The following ERI3 variants were observed in gnomAD, a reference collection of about 807,000 sequenced individuals.
ERI3 encodes the protein ERI1 exoribonuclease 3.
In ERI3, 18 loss-of-function variants were observed where a neutral mutation model predicts 44.4. The ratio of observed to expected loss-of-function variants is 0.41; its 90% CI spans 0.28 to 0.60. The LOEUF (loss-of-function observed/expected upper bound fraction) is 0.60, where lower values mean the gene tolerates loss of function less well. Ranked by LOEUF, ERI3 falls within the 20% of genes least tolerant of loss-of-function variation. The pLI is 0.36. For missense variants in ERI3, 294 were observed against 435.5 expected (o/e 0.68, Z 2.89); for synonymous variants, 183 against 164.8 (o/e 1.11, Z -0.84).
intron 2 of ERI3, among the ~76,000 whole-genome samples, chr1:44,341,398 A>G (rs1194437131): frequency 6.6e-6 from 1 of 152,234 alleles, no homozygotes; most frequent in Non-Finnish European, 1.5e-5. Context: ...CCACCTGGCC[A>G]AGCCTGGATC....
At chr1:44,307,182 A>G (rs1329813839) in intron 6 of ERI3, among the ~76,000 whole-genome samples, 1 of 152,114 alleles carries the variant, frequency 6.6e-6, no homozygotes, top group African/African-American at 2.4e-5. Context: ...CTGTGTGCTC[A>G]TGTGATTTGG....
At chr1:44,351,090 G>A (rs529601445) in intron 2 of ERI3, among the ~76,000 whole-genome samples, 10 of 150,916 alleles carry the variant, frequency 6.6e-5, no homozygotes, top group African/African-American at 2.2e-4. Flanking sequence ...CTGGAGTGCA[G>A]TGGTGCCATC....
At chr1:44,334,832 C>T (rs564391342) in intron 3 of ERI3, among the ~76,000 whole-genome samples, 145 of 152,358 alleles carry the variant, frequency 9.5e-4, no homozygotes, top group African/African-American at 3.4e-3. Context: ...ACAGGGCTTA[C>T]ACCTGTTAGT....
intron 7 of ERI3, among the ~76,000 whole-genome samples, chr1:44,278,686 G>A (rs1645228357): frequency 6.6e-6 from 1 of 151,926 alleles, no homozygotes; most frequent in Non-Finnish European, 1.5e-5. Flanking sequence ...AACCTCCATT[G>A]CCTCCCGGGT....
At chr1:44,224,986 G>A (rs927403815) in intron 8 of ERI3, among the ~76,000 whole-genome samples, 1 of 152,260 alleles carries the variant, frequency 6.6e-6, no homozygotes, top group East Asian at 1.9e-4. Context: ...AAGTGAGGAA[G>A]CTTGGCAGAA....
intron 3 of ERI3, among the ~76,000 whole-genome samples, chr1:44,333,205 T>G (rs985478573): frequency 9.2e-5 from 14 of 152,284 alleles, no homozygotes; most frequent in Admixed American, 6.5e-4. Flanking sequence ...GGCTAAGTTA[T>G]AGTTGCTGTG....
chr1:44,354,224 T>C (rs1646951618), intron 1 of ERI3: 1 of 985,316 alleles, frequency 1.0e-6, no homozygotes, highest in Non-Finnish European at 1.2e-6. Flanking sequence ...GGGAGACTGA[T>C]TAAATGTCTG....
At chr1:44,249,107 C>T (rs974996580) in intron 7 of ERI3, among the ~76,000 whole-genome samples, 2 of 152,210 alleles carry the variant, frequency 1.3e-5, no homozygotes, top group Non-Finnish European at 2.9e-5. Context: ...TTAACCAAAT[C>T]CTGGGCTTCT....
At position 44,354,981 on chromosome 1, in the gene ERI3, A is replaced by G; in HGVS notation, c.46T>C (p.Trp16Arg). 3 of 1,367,910 alleles carry G rather than the reference A, an allele frequency of 2.2e-6. No individual in the cohort carries two copies. The highest frequency in any genetic ancestry group is 2.8e-6 in the Non-Finnish European group (3 of 1,055,348). The allele number at this position is 1,367,910 out of a possible 1,614,324, so 84.7% of individuals were successfully genotyped here. The part of the protein sequence containing the change: ...PAADGGRGRP[W>R]EGGLVSWPPA... ...GGCCAGGAGACCAGCCCTCCTTCCC[A>G]GGGCCGCCCCCGCCCCCCGTCAGCA... The change falls in exon 1 of 9, where the codon TGG (tryptophan) becomes CGG (arginine). Residue 16 changes from tryptophan to arginine, a missense_variant. Transcript: ENST00000372257.
Position 44,259,681 on chromosome 1 carries a change from A to AACACACAC in ERI3, c.832-11644_832-11643insGTGTGTGT, listed in dbSNP as rs1430303370. Among the ~76,000 whole-genome samples, 5 of 54,046 alleles carry AACACACAC rather than the reference A, an allele frequency of 9.3e-5. No individual in the cohort carries two copies. In the East Asian group the frequency reaches 1.8e-3, roughly 20 times the overall value. The allele number at this position is 54,046 out of a possible 152,430, so 35.5% of individuals were successfully genotyped here. On this transcript the variant is annotated intron_variant, in intron 7 of 8. Transcript: ENST00000372257. ...ACGTGGCAAAATCCTATCTCTACAA[A>AACACACAC]ACACACAGACACACACACACACACA...
chr1:44,352,596 A>G (rs1646917509), intron 2 of ERI3, among the ~76,000 whole-genome samples: 1 of 152,230 alleles, frequency 6.6e-6, no homozygotes, highest in South Asian at 2.1e-4. Flanking sequence ...CCCATAAAGC[A>G]GTTGTGACAG....
At chr1:44,346,845 A>G (rs1572347890) in intron 2 of ERI3, among the ~76,000 whole-genome samples, 1 of 152,330 alleles carries the variant, frequency 6.6e-6, no homozygotes, top group Non-Finnish European at 1.5e-5. Flanking sequence ...ATTCAATTCA[A>G]CCGTGCGATG....
At position 44,252,333 on chromosome 1, in the gene ERI3, G is replaced by A. The variant is rs548714809; in HGVS notation, c.832-4295C>T. Among the ~76,000 whole-genome samples, 18 of 152,370 alleles carry A rather than the reference G, an allele frequency of 1.2e-4. 1 individual carries two copies. In the East Asian group the frequency reaches 3.5e-3, roughly 29 times the overall value. On this transcript the variant is annotated intron_variant, in intron 7 of 8. Transcript: ENST00000372257. This position sits in a 1 kb window ranked among gnomAD's most constrained non-coding sequence, Gnocchi z 4.7. ...GGGAAGCAGGTGCCGAGCTGCTCCC[G>A]GCTGGCTCTCCCCTCTCGTGGCTCT...
At chr1:44,307,445 A>G (rs1313808174) in intron 6 of ERI3, among the ~76,000 whole-genome samples, 2 of 152,120 alleles carry the variant, frequency 1.3e-5, no homozygotes, top group African/African-American at 4.8e-5. Context: ...AGACACACAC[A>G]CGGAATACTT....
chr1:44,322,587 A>G, intron 3 of ERI3: 1 of 1,151,296 alleles, frequency 8.7e-7, no homozygotes, highest in East Asian at 2.8e-5. Flanking sequence ...TTCCTCCACA[A>G]CATGAGGAGC....
At chr1:44,254,116 G>A (rs187799210) in intron 7 of ERI3, among the ~76,000 whole-genome samples, 1 of 152,042 alleles carries the variant, frequency 6.6e-6, no homozygotes, top group Admixed American at 6.5e-5. Flanking sequence ...TCTCCCTCTG[G>A]GACTTCATTC....
intron 8 of ERI3, among the ~76,000 whole-genome samples, chr1:44,226,210 G>T (rs925328872): frequency 5.3e-5 from 8 of 151,972 alleles, no homozygotes; most frequent in Non-Finnish European, 1.2e-4. Flanking sequence ...TGGGTGGGGG[G>T]ATGAAGAATC....
rs566640737 is a variant in ERI3 at position 44,296,735 on chromosome 1, T to C, written c.758+11575A>G. 1.5e-3 allele frequency among the ~76,000 whole-genome samples: 226 copies of C among 152,312 alleles called. 1 individual carries two copies. The highest frequency in any genetic ancestry group is 2.9e-3 in the Non-Finnish European group (194 of 68,006). On this transcript the variant is annotated intron_variant, in intron 6 of 8. Transcript: ENST00000372257. ...GCTCTCATCACTACCTAGGTGCTCC[T>C]TGGCAAAGATGGGAGTCCTAGCTAC...
intron 7 of ERI3, among the ~76,000 whole-genome samples, chr1:44,273,416 G>T (rs904877611): frequency 6.6e-6 from 1 of 152,238 alleles, no homozygotes; most frequent in African/African-American, 2.4e-5. Flanking sequence ...TCCTGGCTAT[G>T]TGCCTTTAGG....
Sources: allele counts gnomAD v4.1 joint callset (sites outside exome capture counted in the v4.1 genomes callset), GRCh38; gene constraint gnomAD v4.1.1; non-coding constraint Gnocchi (gnomAD v3.1); transcripts MANE v1.5; gene names NCBI Gene and HGNC (gene_info 2026-07-23, HGNC 2026-07-21).